Variants in MGST1 observed in about 807,000 individuals in gnomAD.
The protein encoded by MGST1 is microsomal glutathione S-transferase 1, also known as glutathione S-transferase 12.
Under a neutral mutation model 8.9 loss-of-function variants are expected in MGST1, and 5 were observed. The ratio of observed to expected loss-of-function variants is 0.56; its 90% CI spans 0.29 to 1.19. The LOEUF is 1.19. Among genes scored for constraint, MGST1 ranks in the 50% most tolerant of loss-of-function variants. MGST1 has a pLI of 0.08. For synonymous variants in MGST1, 54 were observed against 67.8 expected, an observed-to-expected ratio of 0.80 and a Z score of 1.00; for missense variants, 182 against 187.4, an observed-to-expected ratio of 0.97 and a Z score of 0.17.
intron 4 of MGST1, among the ~76,000 whole-genome samples, chr12:16,553,856 A>G (rs1942082385): frequency 6.6e-6 from 1 of 151,698 alleles, no homozygotes; most frequent in Non-Finnish European, 1.5e-5. Flanking sequence ...TATGAGATTC[A>G]GCATTTGCAG....
intron 1 of MGST1, among the ~76,000 whole-genome samples, chr12:16,424,561 T>C (rs1284532855): frequency 6.6e-6 from 1 of 152,210 alleles, no homozygotes; most frequent in African/African-American, 2.4e-5. Context: ...GTGCTGTTAC[T>C]TCTCCCTACT....
At chr12:16,501,834 A>G (rs1941507565) in intron 4 of MGST1, among the ~76,000 whole-genome samples, 1 of 152,174 alleles carries the variant, frequency 6.6e-6, no homozygotes, top group African/African-American at 2.4e-5. Context: ...CCAAATACTC[A>G]TATTTATCAT....
rs1939613499 is a variant in MGST1, at chr12:16,354,352, A to G, written c.100A>G (p.Thr34Ala). The G allele has an allele frequency of 4.4e-6, 7 of 1,604,116 alleles. No individual in the cohort carries two copies. Among genetic ancestry groups the G allele is most frequent in the Middle Eastern group, 1.7e-4 (1 of 6,040 alleles). The stretch of plus-strand genomic sequence containing the variant: ...AAAAATGATGCTTATGAGTACTGCA[A>G]CTGCATTCTATAGATTGACAAGAAA... The part of the protein sequence containing the change: ...LSKMMLMSTA[T>A]AFYRLTRKVF... Residue 34 changes from threonine (T) to alanine (A), a missense_variant, in exon 2 of 4, where the codon ACT becomes GCT. By Grantham distance (58) the Thr-to-Ala change is moderately conservative. Coordinates refer to ENST00000396210, the MANE Select transcript of MGST1 (RefSeq NM_020300.5).
At chr12:16,575,957 C>T (rs1942982083) in intron 4 of MGST1, among the ~76,000 whole-genome samples, 1 of 152,116 alleles carries the variant, frequency 6.6e-6, no homozygotes, top group Non-Finnish European at 1.5e-5. Context: ...GCAAGTCCCT[C>T]GAGCCACAGG....
intron 4 of MGST1, among the ~76,000 whole-genome samples, chr12:16,474,782 G>A (rs577908697): frequency 6.2e-4 from 95 of 152,270 alleles, no homozygotes; most frequent in Middle Eastern, 3.4e-3. Flanking sequence ...GAAGACCTGC[G>A]TTTGATTCAG....
intron 4 of MGST1, among the ~76,000 whole-genome samples, chr12:16,564,436 C>A (rs896149161): frequency 3.3e-5 from 5 of 152,212 alleles, no homozygotes; most frequent in Non-Finnish European, 5.9e-5. Context: ...AGTGTATATC[C>A]ATTTCTAACG....
rs1246095855 is a variant in MGST1 at position 16,586,702 on chromosome 12, C to A, written n.483-2826C>A. Among the ~76,000 whole-genome samples the A allele has an allele frequency of 4.6e-5, 7 of 152,142 alleles. No homozygotes were observed. In the East Asian group the frequency reaches 1.3e-3, roughly 29 times the overall value. On this transcript the variant is annotated intron_variant and non_coding_transcript_variant, in intron 4 of 4. Transcript: ENST00000538857. This position sits in a 1 kb window ranked among gnomAD's most constrained non-coding sequence, Gnocchi z 4.3. ...ATTTCAAGATACACATCTTTTGACCCCCCATTGCAGTAGATGATGTTTTTT... is the reference window on the plus strand; with the variant it reads ...ATTTCAAGATACACATCTTTTGACCACCCATTGCAGTAGATGATGTTTTTT...
At chr12:16,394,502 C>G (rs1463011717) in intron 1 of MGST1, among the ~76,000 whole-genome samples, 2 of 135,986 alleles carry the variant, frequency 1.5e-5, no homozygotes. Flanking sequence ...TTCTTTCTCT[C>G]TCTTTCTCTC....
downstream of MGST1, among the ~76,000 whole-genome samples, chr12:16,365,878 A>T (rs1190448548): frequency 6.6e-6 from 1 of 152,240 alleles, no homozygotes; most frequent in Non-Finnish European, 1.5e-5. Flanking sequence ...GCAATTTGAA[A>T]AAAGTATATT....
rs192591798 is a variant in MGST1, at chr12:16,452,492, C to T, written n.482+68888C>T. On this transcript the variant is annotated intron_variant and non_coding_transcript_variant, in intron 4 of 4. Transcript: ENST00000538857. ...CCATTGCTGATAAGAACTCAAAGCT[C>T]GCAATATTATTACTACTAAAGAATA... Among the ~76,000 whole-genome samples the T allele has an allele frequency of 4.6e-5, 7 of 151,610 alleles. No individual in the cohort carries two copies. In the East Asian group the frequency reaches 1.4e-3, roughly 30 times the overall value.
At chr12:16,397,859 T>C (rs150321020) in intron 1 of MGST1, among the ~76,000 whole-genome samples, 1 of 149,468 alleles carries the variant, frequency 6.7e-6, no homozygotes, top group African/African-American at 2.4e-5. Flanking sequence ...ATATTTAATA[T>C]ATATTTTAGT....
In MGST1 at chr12:16,363,763, T is replaced by C. The variant is rs1246326097; in HGVS notation, c.222-32T>C. On this transcript the variant is annotated intron_variant, in intron 3 of 3. Transcript: ENST00000396210. The surrounding 1 kb of genome is among the most constrained non-coding windows in gnomAD (Gnocchi z 4.6). ...AGGATACATATCTAGTATTTTGAAA[T>C]TAGTGTCTTTAATAGTTATCTTTTT... The C allele has an allele frequency of 1.3e-6, 2 of 1,510,346 alleles. No homozygotes were observed. Among genetic ancestry groups the C allele is most frequent in the East Asian group, 2.3e-5 (1 of 43,534 alleles). The allele number at this position is 1,510,346 out of a possible 1,614,324, so 93.6% of individuals were successfully genotyped here. A position where few individuals can be genotyped will look rare whatever the true frequency, so the allele number is the denominator to read the frequency against.
chr12:16,473,885 TAAAC>T (rs776982701), intron 4 of MGST1, among the ~76,000 whole-genome samples: 1 of 151,950 alleles, frequency 6.6e-6, no homozygotes, highest in Admixed American at 6.6e-5. Context: ...TGTCTCAAAA[TAAAC>T]AAATAAATAA....
chr12:16,418,231 A>G (rs943012537), intron 1 of MGST1, among the ~76,000 whole-genome samples: 5 of 152,160 alleles, frequency 3.3e-5, no homozygotes, highest in South Asian at 2.1e-4. Context: ...ACTAAATTCA[A>G]ATTTTAAAAT....
intron 4 of MGST1, among the ~76,000 whole-genome samples, chr12:16,472,600 G>A (rs983356132): frequency 1.3e-5 from 2 of 152,046 alleles, no homozygotes; most frequent in African/African-American, 4.8e-5. Flanking sequence ...GTTGTCTGCT[G>A]ACTTAATAAA....
chr12:16,589,643 A>G (rs1042984536), downstream of MGST1: 1 of 152,080 alleles, frequency 6.6e-6, no homozygotes, highest in Non-Finnish European at 1.5e-5. The surrounding 1 kb of genome is among the most constrained non-coding windows in gnomAD (Gnocchi z 4.2). Context: ...ATCACTGACA[A>G]GATTATTTCA....
intron 4 of MGST1, among the ~76,000 whole-genome samples, chr12:16,527,185 C>T (rs992866201): frequency 6.6e-6 from 1 of 151,822 alleles, no homozygotes; most frequent in Non-Finnish European, 1.5e-5. Context: ...TGAATTTCTT[C>T]CACTATCATA....
rs1940528755 is a variant in MGST1, at chr12:16,389,116, A to G, written n.778+5512A>G. Among the ~76,000 whole-genome samples the G allele has an allele frequency of 6.6e-6, 1 of 152,226 alleles. No individual in the cohort carries two copies. Among genetic ancestry groups the G allele is most frequent in the Non-Finnish European group, 1.5e-5 (1 of 68,044 alleles). ...GGCATAGGGATGGTAAATACCTTGC[A>G]CTGGGATTCGTTTTAATAATTAGCC... On this transcript the variant is annotated intron_variant and non_coding_transcript_variant, in intron 1 of 1. Transcript: ENST00000359720. This position sits in a 1 kb window ranked among gnomAD's most constrained non-coding sequence, Gnocchi z 4.6.
chr12:16,469,924 A>G (rs1475920565), intron 4 of MGST1, among the ~76,000 whole-genome samples: 1 of 152,206 alleles, frequency 6.6e-6, no homozygotes, highest in Admixed American at 6.5e-5. Flanking sequence ...TTGAGGAAAG[A>G]GATTGTTTCA....
Sources: gnomAD v4.1 joint callset for allele counts (sites outside exome capture counted in the v4.1 genomes callset) on GRCh38, gnomAD v4.1.1 for gene constraint, Gnocchi (gnomAD v3.1) non-coding constraint, MANE v1.5 for transcripts, NCBI Gene and HGNC (gene_info 2026-07-23, HGNC 2026-07-21) for gene names.